Variants in LONP2 observed in about 807,000 individuals in gnomAD.
LONP2 encodes the protein lon protease homolog 2, peroxisomal.
LONP2 carries 60 observed loss-of-function variants against 85.6 expected under a neutral mutation model. That is an observed-to-expected ratio of 0.70 (90% CI 0.57 to 0.87). LONP2 has a LOEUF of 0.87. Ranked by LOEUF, LONP2 falls within the 40% of genes least tolerant of loss-of-function variation. The pLI, the probability that LONP2 is intolerant of heterozygous loss-of-function variation, is 0.00. For synonymous variants in LONP2, 395 were observed against 389.7 expected (o/e 1.01, Z -0.16); for missense variants, 860 against 1,063.5 (o/e 0.81, Z 2.66).
At position 48,351,857 on chromosome 16, in the gene LONP2, C is replaced by A. The variant is rs951724354; in HGVS notation, c.*55C>A. 4.9e-6 allele frequency: 7 copies of A among 1,419,344 alleles called. No homozygotes were observed. The highest frequency in any genetic ancestry group is 4.7e-5 in the South Asian group (4 of 85,926). 87.9% of individuals were successfully genotyped at this position (1,419,344 alleles called of 1,614,324 possible). ...GTTATGAAGTGCTCAAAGGTACTGA[C>A]ACAGTTGATTTTATTCACACCATTA... On this transcript the variant is annotated 3_prime_UTR_variant, in exon 15 of 15. Coordinates refer to ENST00000285737, the MANE Select transcript of LONP2 (RefSeq NM_031490.5).
Position 48,352,857 on chromosome 16 carries a change from T to C in LONP2, c.*1055T>C, listed in dbSNP as rs1419481003. ...CATCCATCTGGGATGGTCCTAAGCA[T>C]GGAATCCTAACTCCTGATTCCGTCT... On this transcript the variant is annotated 3_prime_UTR_variant, in exon 15 of 15. Transcript: ENST00000285737. 3 of 152,224 alleles carry C rather than the reference T, an allele frequency of 2.0e-5. No individual in the cohort carries two copies. Among genetic ancestry groups the C allele is most frequent in the Admixed American group, 6.5e-5 (1 of 15,282 alleles). The allele number at this position is 152,224 out of a possible 1,614,324, so 9.4% of individuals were successfully genotyped here.
chr16:48,299,640 A>G, intron 9 of LONP2, 22 bp from the exon 10 acceptor site: 3 of 1,590,556 alleles, frequency 1.9e-6, no homozygotes, highest in Non-Finnish European at 2.6e-6. Context: ...ATAATTACAA[A>G]ACAAGATCTC....
At chr16:48,245,088 TCC>T (rs1047647836) in intron 1 of LONP2, among the ~76,000 whole-genome samples, 32 of 152,216 alleles carry the variant, frequency 2.1e-4, no homozygotes, top group South Asian at 6.2e-4. Flanking sequence ...CATTCTCTGC[TCC>T]GTGAGTTTTA....
chr16:48,357,386 A>G (rs907369022), downstream of LONP2: 4 of 152,226 alleles, frequency 2.6e-5, no homozygotes, highest in African/African-American at 9.6e-5. Context: ...AAACTACCAA[A>G]TACTCCTTTG....
Position 48,303,204 on chromosome 16 carries a change from A to G in LONP2, c.1694A>G (p.Asp565Gly), listed in dbSNP as rs1596965695. The change falls in exon 11 of 15, where the codon GAT becomes GGT. Residue 565 changes from aspartate (D) to glycine (G), a missense_variant. Physicochemically the swap from Asp to Gly is moderately conservative, Grantham distance 94 (BLOSUM62 -1). Around this residue, in one of 3 missense-constraint regions of LONP2, gnomAD observed 743 missense variants for 917.3 expected, o/e 0.81. Coordinates refer to ENST00000285737, the MANE Select transcript of LONP2 (RefSeq NM_031490.5). ...YTREAGVRSL[D>G]RKLGAICRAV... ...AGAGAGGCAGGGGTTCGTTCTCTGG[A>G]TAGAAAACTTGGGGCCATTTGCCGA... The G allele has an allele frequency of 1.2e-6, 2 of 1,614,112 alleles. No individual in the cohort carries two copies. Among genetic ancestry groups the G allele is most frequent in the East Asian group, 2.2e-5 (1 of 44,878 alleles).
chr16:48,267,445 G>A (rs1393799272), intron 6 of LONP2, among the ~76,000 whole-genome samples: 4 of 151,968 alleles, frequency 2.6e-5, no homozygotes, highest in African/African-American at 4.8e-5. Flanking sequence ...GATTACAGGC[G>A]CTTGCAACCA....
At chr16:48,274,924 G>A (rs569004928) in intron 7 of LONP2, among the ~76,000 whole-genome samples, 1 of 152,044 alleles carries the variant, frequency 6.6e-6, no homozygotes, top group Non-Finnish European at 1.5e-5. Flanking sequence ...TGCGGGAGCC[G>A]AGCCCTTTAA....
intron 11 of LONP2, among the ~76,000 whole-genome samples, chr16:48,307,985 C>T (rs938465245): frequency 6.6e-6 from 1 of 152,134 alleles, no homozygotes; most frequent in Non-Finnish European, 1.5e-5. Context: ...TTTTAACAAC[C>T]AGCTGTCATG....
intron 11 of LONP2, among the ~76,000 whole-genome samples, chr16:48,310,367 A>G (rs898272655): frequency 6.6e-6 from 1 of 151,418 alleles, no homozygotes; most frequent in African/African-American, 2.4e-5. Context: ...TCTTTTAAGC[A>G]AGAGTCTTGA....
intron 8 of LONP2, among the ~76,000 whole-genome samples, chr16:48,284,353 A>G (rs747170076): frequency 1.3e-5 from 2 of 152,224 alleles, no homozygotes; most frequent in Non-Finnish European, 2.9e-5. Context: ...CGGTGGGCAA[A>G]ATGCTATCGA....
intron 11 of LONP2, among the ~76,000 whole-genome samples, chr16:48,312,668 T>C (rs568917900): frequency 3.3e-5 from 5 of 152,042 alleles, no homozygotes; most frequent in Non-Finnish European, 7.4e-5. Context: ...CTGGGGTGGA[T>C]GATGGTGGCA....
At chr16:48,246,421 C>A (rs553221024) in intron 1 of LONP2, among the ~76,000 whole-genome samples, 2 of 152,312 alleles carry the variant, frequency 1.3e-5, no homozygotes, top group East Asian at 3.9e-4. Flanking sequence ...CAAGAGTGGT[C>A]ATTATTAGAC....
rs746080999 is a variant in LONP2, at chr16:48,252,267, G to A, written c.370G>A (p.Val124Met). 6.2e-7 allele frequency: 1 copy of A among 1,614,210 alleles called. No homozygotes were observed. Among genetic ancestry groups the A allele is most frequent in the Admixed American group, 1.7e-5 (1 of 60,028 alleles). The change falls in exon 2 of 15, where the codon GTG becomes ATG. Residue 124 changes from valine (V) to methionine (M), a missense_variant. Coordinates refer to ENST00000285737, the MANE Select transcript of LONP2 (RefSeq NM_031490.5). ...LKEKPYPIAE[V>M]EQLDRLEEFP... ...AGAGAAGCCATATCCCATTGCTGAA[G>A]TGGAGCAGTTGGACCGACTTGAGGA...
At chr16:48,361,391 CTT>C, downstream of LONP2, 1 of 567,880 alleles carries the variant, frequency 1.8e-6, no homozygotes, top group South Asian at 2.3e-5. Context: ...TTACTGTTGA[CTT>C]ATTTTTAAAT....
In LONP2 at chr16:48,299,683, T is replaced by C; in HGVS notation, c.1556T>C (p.Ile519Thr). 2.5e-6 allele frequency: 4 copies of C among 1,613,554 alleles called. No individual in the cohort carries two copies. Among genetic ancestry groups the C allele is most frequent in the Non-Finnish European group, 3.4e-6 (4 of 1,179,802 alleles). The change falls in exon 10 of 15, where the codon ATA (isoleucine) becomes ACA (threonine). Residue 519 changes from isoleucine to threonine, a missense_variant. Ile to Thr is a moderately conservative substitution (Grantham distance 89). Transcript: ENST00000285737. ...CCAGGTTATACACAGGAGGAGAAGA[T>C]AGAGATTGCCCATAGGCACTTGATC... Reference protein sequence around the residue: ...QVPGYTQEEKIEIAHRHLIPK... With the variant: ...QVPGYTQEEKTEIAHRHLIPK...
At chr16:48,347,177 A>G (rs1959991406) in intron 12 of LONP2, among the ~76,000 whole-genome samples, 1 of 152,114 alleles carries the variant, frequency 6.6e-6, no homozygotes, top group Non-Finnish European at 1.5e-5. Context: ...TTTGCAGCCC[A>G]ATAAAGATAC....
At position 48,252,116 on chromosome 16, in the gene LONP2, TTG is replaced by T; in HGVS notation, c.234-9_234-8del. On this transcript the variant is annotated splice_polypyrimidine_tract_variant and intron_variant, in intron 1 of 14. Transcript: ENST00000285737. The stretch of plus-strand genomic sequence containing the variant: ...ATTGAATGTTTGTAATACCGATGTT[TTG>T]TGTGTTTTTCAGGATTGGCACAGCT... 1 of 1,542,656 alleles carries T rather than the reference TTG, an allele frequency of 6.5e-7. No homozygotes were observed. Among genetic ancestry groups the T allele is most frequent in the Non-Finnish European group, 8.8e-7 (1 of 1,137,350 alleles).
intron 2 of LONP2, among the ~76,000 whole-genome samples, chr16:48,255,532 T>C (rs571135535): frequency 5.3e-5 from 8 of 152,210 alleles, no homozygotes; most frequent in Non-Finnish European, 7.3e-5. Flanking sequence ...CTCCCAGATA[T>C]ACGCTGACAG....
rs922197430 is a variant in LONP2, at chr16:48,356,272, G to A, written c.*4470G>A. On this transcript the variant is annotated 3_prime_UTR_variant, in exon 15 of 15. Transcript: ENST00000285737. ...TGTGGCCAGGTAATTCACTGCTGAGGGCTTTGGATTTTCCTTTATGAACTA... is the reference window on the plus strand; with the variant it reads ...TGTGGCCAGGTAATTCACTGCTGAGAGCTTTGGATTTTCCTTTATGAACTA... The A allele has an allele frequency of 3.3e-5, 5 of 152,868 alleles. No individual in the cohort carries two copies. Among genetic ancestry groups the A allele is most frequent in the African/African-American group, 1.2e-4 (5 of 41,404 alleles). 9.5% of individuals were successfully genotyped at this position (152,868 alleles called of 1,614,324 possible). A position where few individuals can be genotyped will look rare whatever the true frequency, so the allele number is the denominator to read the frequency against.
Sources: gnomAD v4.1 joint callset for allele counts (sites outside exome capture counted in the v4.1 genomes callset) on GRCh38, gnomAD v4.1.1 for gene constraint, gnomAD v4.1.1 regional missense constraint, MANE v1.5 for transcripts, NCBI Gene and HGNC (gene_info 2026-07-23, HGNC 2026-07-21) for gene names.